DNAI1: variants seen among roughly 807,000 people sequenced by gnomAD.
DNAI1 encodes the protein dynein, axonemal, intermediate polypeptide 1.
Under a neutral mutation model 92.0 loss-of-function variants are expected in DNAI1, and 67 were observed. The ratio of observed to expected loss-of-function variants is 0.73; its 90% CI spans 0.60 to 0.89. The LOEUF (loss-of-function observed/expected upper bound fraction) is 0.89, where lower values mean the gene tolerates loss of function less well. DNAI1 is among the 40% of genes least tolerant of loss of function. The pLI, the probability that DNAI1 is intolerant of heterozygous loss-of-function variation, is 0.00. For synonymous variants in DNAI1, 323 were observed against 319.6 expected, an observed-to-expected ratio of 1.01 and a Z score of -0.11; for missense variants, 839 against 866.6, an observed-to-expected ratio of 0.97 and a Z score of 0.40.
chr9:34,478,381 C>T (rs1293788991), intron 1 of DNAI1, among the ~76,000 whole-genome samples: 2 of 151,986 alleles, frequency 1.3e-5, no homozygotes, highest in Non-Finnish European at 2.9e-5. Context: ...AGATCAGTGA[C>T]ATGGAAAAGA....
chr9:34,485,579 G>T, intron 4 of DNAI1, 62 bp downstream of exon 4: 1 of 1,497,976 alleles, frequency 6.7e-7, no homozygotes, highest in Non-Finnish European at 9.3e-7. Context: ...ACAGTGACTT[G>T]CTACATTGCA....
intron 1 of DNAI1, among the ~76,000 whole-genome samples, chr9:34,459,920 G>A (rs1823913966): frequency 6.6e-6 from 1 of 152,196 alleles, no homozygotes. Flanking sequence ...TTTATGAGGA[G>A]AGAAAGGGCA....
At chr9:34,516,705 A>G (rs1213195832) in intron 18 of DNAI1, among the ~76,000 whole-genome samples, 1 of 151,418 alleles carries the variant, frequency 6.6e-6, no homozygotes, top group Admixed American at 6.6e-5. Context: ...GTACATAGTG[A>G]GTGCTCAACA....
intron 1 of DNAI1, among the ~76,000 whole-genome samples, chr9:34,482,883 G>A (rs922117260): frequency 4.6e-5 from 7 of 152,238 alleles, no homozygotes; most frequent in African/African-American, 9.6e-5. Context: ...CAGGCATGGC[G>A]GGCTGCAGGT....
chr9:34,489,806 G>T (rs996994082), intron 5 of DNAI1, among the ~76,000 whole-genome samples: 11 of 152,006 alleles, frequency 7.2e-5, no homozygotes, highest in Admixed American at 7.2e-4. Context: ...CCGAGATTGT[G>T]CCACCACTGC....
Position 34,501,977 on chromosome 9 carries a change from A to G in DNAI1, c.1063+796A>G, listed in dbSNP as rs183199413. On this transcript the variant is annotated intron_variant, in intron 12 of 19. Transcript: ENST00000242317. ...CTGGACATTCCCCCTTCCCAACGGG[A>G]GAGGGCCCTACACTTCACAGTAGTC... is the stretch of plus-strand genomic sequence containing the variant. Among the ~76,000 whole-genome samples the G allele has an allele frequency of 9.2e-5, 14 of 152,230 alleles. No homozygotes were observed. The East Asian group carries it at 2.1e-3, about 23-fold the overall frequency.
At chr9:34,501,117 G>A in intron 11 of DNAI1, 21 bp from the exon 12 acceptor site, 1 of 1,609,736 alleles carries the variant, frequency 6.2e-7, no homozygotes, top group Middle Eastern at 1.7e-4. Context: ...TATGCCAATG[G>A]ATTCATATTT....
chr9:34,519,005 G>C (rs537992361), intron 19 of DNAI1, among the ~76,000 whole-genome samples: 2 of 152,206 alleles, frequency 1.3e-5, no homozygotes, highest in African/African-American at 4.8e-5. Flanking sequence ...GTTCCCCTCA[G>C]AGAAGGGTCA....
At chr9:34,481,881 A>C (rs1425222082) in intron 1 of DNAI1, among the ~76,000 whole-genome samples, 1 of 152,218 alleles carries the variant, frequency 6.6e-6, no homozygotes, top group East Asian at 1.9e-4. Flanking sequence ...AAAAGAACAA[A>C]GATTCCACAG....
intron 12 of DNAI1, among the ~76,000 whole-genome samples, chr9:34,503,136 C>G (rs1470821630): frequency 6.6e-6 from 1 of 152,120 alleles, no homozygotes; most frequent in Non-Finnish European, 1.5e-5. Context: ...GTCACTGGCT[C>G]TGGGGTTGTT....
At chr9:34,459,163 C>A in intron 1 of DNAI1, 110 bp downstream of exon 1, 1 of 1,070,668 alleles carries the variant, frequency 9.3e-7, no homozygotes, top group African/African-American at 1.5e-5. Context: ...TGACCCCAGC[C>A]TTCTCACCCC....
intron 1 of DNAI1, among the ~76,000 whole-genome samples, chr9:34,478,300 G>A (rs1343965999): frequency 1.3e-5 from 2 of 152,172 alleles, no homozygotes; most frequent in African/African-American, 2.4e-5. Context: ...AGGGGAGGGT[G>A]TACAATAGGA....
At chr9:34,490,181 G>A in intron 6 of DNAI1, 57 bp downstream of exon 6, 1 of 1,613,432 alleles carries the variant, frequency 6.2e-7, no homozygotes, top group African/African-American at 1.3e-5. Context: ...GTGGATGGAG[G>A]CTTCATGGGT....
In DNAI1 at chr9:34,501,119, T is replaced by C; in HGVS notation, c.1020-19T>C. On this transcript the variant is annotated intron_variant, in intron 11 of 19. Coordinates refer to ENST00000242317, the MANE Select transcript of DNAI1 (RefSeq NM_012144.4). ...CATGTTCATTTCCTATGCCAATGGA[T>C]TCATATTTTTTTTTGCAGGAATCCA... The C allele has an allele frequency of 6.2e-7, 1 of 1,609,952 alleles. No homozygotes were observed. The highest frequency in any genetic ancestry group is 8.5e-7 in the Non-Finnish European group (1 of 1,176,194).
In DNAI1 at chr9:34,506,664, C is replaced by T. The variant is rs768631309; in HGVS notation, c.1101C>T (p.Leu367=). The T allele has an allele frequency of 1.2e-6, 2 of 1,614,206 alleles. No homozygotes were observed. The highest frequency in any genetic ancestry group is 1.7e-6 in the Non-Finnish European group (2 of 1,180,044). ...AGCAGAGCCGGGGCATGCTGCTGCT[C>T]TACAGCCTGAAGAACCCCAGCTTCC... ...FMKQSRGMLL[L]YSLKNPSFPE... is the part of the protein sequence containing the mutation. Residue 367 remains leucine (L), a synonymous_variant, in exon 13 of 20, where the codon CTC becomes CTT. Coordinates refer to ENST00000242317, the MANE Select transcript of DNAI1 (RefSeq NM_012144.4).
At chr9:34,479,563 A>G (rs1410095601) in intron 1 of DNAI1, among the ~76,000 whole-genome samples, 1 of 152,192 alleles carries the variant, frequency 6.6e-6, no homozygotes, top group Non-Finnish European at 1.5e-5. Context: ...TGTTTTACAG[A>G]CATATTTACA....
chr9:34,490,096 G>T lies in DNAI1; in HGVS notation c.473G>T (p.Gly158Val), dbSNP rs763912673. The T allele has an allele frequency of 2.7e-5, 43 of 1,613,898 alleles. No homozygotes were observed. The highest frequency in any genetic ancestry group is 3.6e-5 in the Non-Finnish European group (42 of 1,180,008). Residue 158 changes from glycine (G) to valine (V), a missense_variant, in exon 6 of 20, where the codon GGG (glycine) becomes GTG (valine). By Grantham distance (109) the Gly-to-Val change is moderately radical. Coordinates refer to ENST00000242317, the MANE Select transcript of DNAI1 (RefSeq NM_012144.4). ...EEPKELETEP[G>V]SQTDVPAAGA... The stretch of plus-strand genomic sequence containing the variant: ...CCCAAGGAGTTAGAAACTGAGCCTG[G>T]GAGTCAAACAGATGTGCCTGCAGCT...
intron 1 of DNAI1, among the ~76,000 whole-genome samples, chr9:34,472,764 T>C (rs1302232316): frequency 6.6e-6 from 1 of 152,044 alleles, no homozygotes; most frequent in Non-Finnish European, 1.5e-5. Context: ...TAACTAGGCC[T>C]GTTGGTACAT....
chr9:34,479,506 A>C (rs1290475696), intron 1 of DNAI1, among the ~76,000 whole-genome samples: 1 of 152,208 alleles, frequency 6.6e-6, no homozygotes, highest in African/African-American at 2.4e-5. Flanking sequence ...ACTGCCAAAA[A>C]CAATTACACT....
Sources: allele counts gnomAD v4.1 joint callset (sites outside exome capture counted in the v4.1 genomes callset), GRCh38; gene constraint gnomAD v4.1.1; transcripts MANE v1.5; gene names NCBI Gene and HGNC (gene_info 2026-07-23, HGNC 2026-07-21).